Variants in SMARCA2 observed in about 807,000 individuals in gnomAD.
SMARCA2 encodes the protein SWI/SNF-related matrix-associated actin-dependent regulator of chromatin subfamily A member 2.
Under a neutral mutation model 199.8 loss-of-function variants are expected in SMARCA2, and 61 were observed. The ratio of observed to expected loss-of-function variants is 0.31; its 90% confidence interval spans 0.25 to 0.38. The LOEUF (loss-of-function observed/expected upper bound fraction) is 0.38. Among genes scored for constraint, SMARCA2 ranks in the 10% least tolerant of loss-of-function variants. The pLI, the probability that SMARCA2 is intolerant of heterozygous loss-of-function variation, is 1.00. For missense variants in SMARCA2, 1,344 were observed against 2,012.2 expected, an observed-to-expected ratio of 0.67 and a Z score of 6.35; for synonymous variants, 935 against 732.0, an observed-to-expected ratio of 1.28 and a Z score of -4.48.
intron 27 of SMARCA2, among the ~76,000 whole-genome samples, chr9:2,149,880 C>T (rs1014575058): frequency 1.3e-5 from 2 of 151,590 alleles, no homozygotes; most frequent in African/African-American, 4.8e-5. Context: ...GTGGGATAGA[C>T]ATACTTGACA....
rs559877655 is a variant in SMARCA2 at position 2,110,556 on chromosome 9, G to A, written c.3456+139G>A. 3 of 622,308 alleles carry A rather than the reference G, an allele frequency of 4.8e-6. No homozygotes were observed. In the South Asian group the frequency reaches 9.2e-5, roughly 19 times the overall value. 38.5% of individuals were successfully genotyped at this position (622,308 alleles called of 1,614,324 possible). ...TGCTTTCTTGGAGCCAATTCTTCTG[G>A]CTGTTTTCTTATCTCCCTTAGAGCA... is the stretch of plus-strand genomic sequence containing the variant. On this transcript the variant is annotated intron_variant, in intron 24 of 33. Transcript: ENST00000349721. This position sits in a 1 kb window ranked among gnomAD's most constrained non-coding sequence, Gnocchi z 4.8.
rs1352259306 is a variant in SMARCA2, at chr9:2,149,389, G to T, written c.3982-12297G>T. Among the ~76,000 whole-genome samples the T allele has an allele frequency of 1.3e-5, 2 of 151,178 alleles. 1 individual carries two copies. The highest frequency in any genetic ancestry group is 3.0e-5 in the Non-Finnish European group (2 of 67,594). Reference sequence around the variant, plus strand: ...AAAAAAATTAGCCAGGCATGATGGTGGGTGCCCGTAATCCAAGCTACTCAG... The same window carrying T: ...AAAAAAATTAGCCAGGCATGATGGTTGGTGCCCGTAATCCAAGCTACTCAG... On this transcript the variant is annotated intron_variant, in intron 27 of 33. Coordinates refer to ENST00000349721, the MANE Select transcript of SMARCA2 (RefSeq NM_003070.5).
rs17712104 is a variant in SMARCA2, at chr9:2,081,608, A to T, written c.2185-224A>T. 0.065 allele frequency among the ~76,000 whole-genome samples: 9,832 copies of T among 151,920 alleles called. 421 individuals carry two copies. The highest frequency in any genetic ancestry group is 0.095 in the Non-Finnish European group (6,424 of 67,916). On this transcript the variant is annotated intron_variant, in intron 14 of 33. Coordinates refer to ENST00000349721, the MANE Select transcript of SMARCA2 (RefSeq NM_003070.5). ...GGATGAGCGGCAAAGCTGCTTTAAA[A>T]CTCACCTGTCAAGAAGCAAGAAGAG...
chr9:2,020,835 A>T (rs998417410), intron 1 of SMARCA2, among the ~76,000 whole-genome samples: 2 of 152,214 alleles, frequency 1.3e-5, no homozygotes, highest in Non-Finnish European at 2.9e-5. Flanking sequence ...TGAATGTTTG[A>T]TATAAACACC....
chr9:2,188,457 T>C (rs1326064688), intron 32 of SMARCA2, among the ~76,000 whole-genome samples: 5 of 152,190 alleles, frequency 3.3e-5, no homozygotes, highest in Non-Finnish European at 5.9e-5. Context: ...TTATTTGTTA[T>C]GAATTTAAAC....
chr9:2,178,635 A>G (rs1359618783), intron 29 of SMARCA2, among the ~76,000 whole-genome samples: 1 of 152,188 alleles, frequency 6.6e-6, no homozygotes, highest in Non-Finnish European at 1.5e-5. Flanking sequence ...GTATTAAAAA[A>G]AAGCCCTCGC....
chr9:2,117,970 A>G (rs960610993), intron 25 of SMARCA2, among the ~76,000 whole-genome samples: 16 of 152,268 alleles, frequency 1.1e-4, no homozygotes, highest in African/African-American at 3.9e-4. Context: ...TGATGCGACC[A>G]TGAAGTGCTG....
chr9:2,158,941 G>A (rs1337959292), intron 27 of SMARCA2: 1 of 1,611,770 alleles, frequency 6.2e-7, no homozygotes, highest in African/African-American at 1.3e-5. Flanking sequence ...GTAGCTCTCT[G>A]CATTCCTGCA....
intron 1 of SMARCA2, among the ~76,000 whole-genome samples, chr9:2,021,332 G>C (rs1818591620): frequency 6.6e-6 from 1 of 152,022 alleles, no homozygotes; most frequent in African/African-American, 2.4e-5. Flanking sequence ...CTCAGAATTT[G>C]GAATTCAAAA....
At chr9:2,053,299 A>G (rs903321168) in intron 5 of SMARCA2, among the ~76,000 whole-genome samples, 4 of 152,210 alleles carry the variant, frequency 2.6e-5, no homozygotes, top group Non-Finnish European at 5.9e-5. Flanking sequence ...TGCAAAGGAC[A>G]TGATTTGGTT....
chr9:2,071,666 GTTC>G (rs1262763214), intron 10 of SMARCA2, among the ~76,000 whole-genome samples: 1 of 152,128 alleles, frequency 6.6e-6, no homozygotes, highest in Non-Finnish European at 1.5e-5. Context: ...TTGAAATAAT[GTTC>G]TTCTGTTCTC....
chr9:2,033,865 A>C (rs1819181015), intron 3 of SMARCA2, among the ~76,000 whole-genome samples: 1 of 152,030 alleles, frequency 6.6e-6, no homozygotes, highest in African/African-American at 2.4e-5. Flanking sequence ...CTGTGTCCAG[A>C]TTGTCTTCTT....
intron 8 of SMARCA2, 59 bp downstream of exon 8, chr9:2,058,523 G>C: frequency 2.9e-6 from 4 of 1,401,754 alleles, no homozygotes; most frequent in Non-Finnish European, 4.0e-6. Context: ...TCTGCAATGA[G>C]ACCATTAAAT....
intron 8 of SMARCA2, 141 bp from the exon 9 acceptor site, chr9:2,060,675 A>G (rs1820548916): frequency 1.5e-6 from 1 of 662,268 alleles, no homozygotes; most frequent in Non-Finnish European, 2.5e-6. Context: ...ACTCTGTGCA[A>G]TGGCTTGAAC....
intron 2 of SMARCA2, among the ~76,000 whole-genome samples, chr9:2,031,158 C>A (rs1233604257): frequency 6.6e-6 from 1 of 151,872 alleles, no homozygotes; most frequent in East Asian, 1.9e-4. Flanking sequence ...CTGTAACTTT[C>A]TTTTTTCATT....
intron 29 of SMARCA2, among the ~76,000 whole-genome samples, chr9:2,172,818 C>T (rs1051536338): frequency 5.3e-5 from 8 of 151,974 alleles, no homozygotes; most frequent in East Asian, 1.9e-4. Flanking sequence ...CCCAGGGAGC[C>T]GACATCAGCC....
At chr9:2,168,980 C>A (rs1207422185) in intron 28 of SMARCA2, among the ~76,000 whole-genome samples, 1 of 151,712 alleles carries the variant, frequency 6.6e-6, no homozygotes, top group African/African-American at 2.4e-5. Context: ...GGTTTTCCTC[C>A]CGTCACTCGT....
At chr9:2,111,923 T>G (rs1223396060) in intron 24 of SMARCA2, among the ~76,000 whole-genome samples, 5 of 152,116 alleles carry the variant, frequency 3.3e-5, no homozygotes, top group South Asian at 2.1e-4. Flanking sequence ...GTGAATAAAT[T>G]AAAGCGACTA....
chr9:2,168,903 C>T (rs1384052014), intron 28 of SMARCA2, among the ~76,000 whole-genome samples: 1 of 152,122 alleles, frequency 6.6e-6, no homozygotes, highest in African/African-American at 2.4e-5. Context: ...CAGAGCCATA[C>T]CTAGCTTCTC....
Sources: allele counts gnomAD v4.1 joint callset (sites outside exome capture counted in the v4.1 genomes callset), GRCh38; gene constraint gnomAD v4.1.1; non-coding constraint Gnocchi (gnomAD v3.1); transcripts MANE v1.5; gene names NCBI Gene and HGNC (gene_info 2026-07-23, HGNC 2026-07-21).